Variants in ATP13A4 observed in about 807,000 individuals in gnomAD.
ATP13A4 encodes the protein ATPase 13A4.
ATP13A4 carries 114 observed loss-of-function variants against 142.5 expected under a neutral mutation model. The observed-to-expected ratio is 0.80, with a 90% CI of 0.69 to 0.93. The LOEUF (loss-of-function observed/expected upper bound fraction) is 0.93, where lower values mean the gene tolerates loss of function less well. Among genes scored for constraint, ATP13A4 ranks in the 40% least tolerant of loss-of-function variants. The probability of loss-of-function intolerance (pLI) is 0.00; values close to 1 mark genes in which losing one functional copy is unlikely to be tolerated. For synonymous variants in ATP13A4, 488 were observed against 514.8 expected (o/e 0.95, Z 0.70); for missense variants, 1,392 against 1,454.0 (o/e 0.96, Z 0.69).
intron 2 of ATP13A4, 94 bp from the exon 3 acceptor site, chr3:193,502,733 A>G: frequency 7.5e-7 from 1 of 1,329,740 alleles, no homozygotes; most frequent in Non-Finnish European, 1.1e-6. Context: ...TAATTCTGTA[A>G]GTGTTTGGCG....
intron 2 of ATP13A4, among the ~76,000 whole-genome samples, chr3:193,581,248 A>C (rs1040255326): frequency 6.6e-6 from 1 of 152,226 alleles, no homozygotes; most frequent in African/African-American, 2.4e-5. Flanking sequence ...TGTTATTCAC[A>C]ATGTAAAACC....
chr3:193,554,930 C>T (rs571951139), upstream of ATP13A4: 293 of 1,601,106 alleles, frequency 1.8e-4, 1 homozygote, highest in South Asian at 2.5e-3. Context: ...TAAAACTCCT[C>T]CTTGAGCACA....
At chr3:193,430,995 G>GA (rs1715939199) in intron 25 of ATP13A4, among the ~76,000 whole-genome samples, 1 of 152,036 alleles carries the variant, frequency 6.6e-6, no homozygotes, top group Admixed American at 6.6e-5. Flanking sequence ...AATGATGGCG[G>GA]CTACATTGAA....
At chr3:193,515,633 G>C (rs1398543382) in intron 1 of ATP13A4, among the ~76,000 whole-genome samples, 1 of 152,080 alleles carries the variant, frequency 6.6e-6, no homozygotes, top group Non-Finnish European at 1.5e-5. Flanking sequence ...GATATTATTA[G>C]ACCCCAGAGG....
chr3:193,548,610 G>A (rs1169892061), intron 1 of ATP13A4, among the ~76,000 whole-genome samples: 1 of 152,258 alleles, frequency 6.6e-6, no homozygotes, highest in East Asian at 1.9e-4. Context: ...CTGACTCAGA[G>A]GTGCTCATGG....
intron 9 of ATP13A4, among the ~76,000 whole-genome samples, chr3:193,468,530 C>A (rs1432497079): frequency 6.6e-6 from 1 of 152,152 alleles, no homozygotes; most frequent in Non-Finnish European, 1.5e-5. Flanking sequence ...AGGCAGATCG[C>A]TTGAGCCAGG....
Position 193,506,397 on chromosome 3 carries a change from T to TA in ATP13A4, c.235-3759dup, listed in dbSNP as rs575773656. ...ATTAACCGGATCAGTCCTTGAACTC[T>TA]AAAAAAATAGGTTTTACAAAAATTC... On this transcript the variant is annotated intron_variant, in intron 2 of 29. Transcript: ENST00000342695. Among the ~76,000 whole-genome samples, 130 of 152,252 alleles carry TA rather than the reference T, an allele frequency of 8.5e-4. 1 individual carries two copies. Among genetic ancestry groups the TA allele is most frequent in the African/African-American group, 2.9e-3 (119 of 41,550 alleles).
At chr3:193,446,094 T>C (rs942042145) in intron 18 of ATP13A4, among the ~76,000 whole-genome samples, 9 of 152,108 alleles carry the variant, frequency 5.9e-5, no homozygotes, top group African/African-American at 1.9e-4. Context: ...GCCCAGGAGT[T>C]CAAGGCTGAA....
chr3:193,464,967 T>C lies in ATP13A4; in HGVS notation c.1434A>G (p.Gly478=). 1 of 1,614,098 alleles carries C rather than the reference T, an allele frequency of 6.2e-7. No individual in the cohort carries two copies. The highest frequency in any genetic ancestry group is 1.7e-5 in the Admixed American group (1 of 60,020). Residue 478 remains glycine (G), a synonymous_variant, in exon 12 of 30, where the codon GGA becomes GGG. Transcript: ENST00000342695. ...TGTCAAAGCAGACAAGGTTTAACTG[T>C]CCACATACGTTGATCCTCTGGGGGC... ...CISPQRINVC[G]QLNLVCFDKT...
At chr3:193,550,567 A>G (rs1025949609) in intron 1 of ATP13A4, among the ~76,000 whole-genome samples, 3 of 152,092 alleles carry the variant, frequency 2.0e-5, no homozygotes, top group African/African-American at 7.2e-5. Flanking sequence ...CAGCCTCCCA[A>G]AGTGCCGGGA....
chr3:193,557,249 C>T (rs534476903), upstream of ATP13A4, among the ~76,000 whole-genome samples: 1 of 152,234 alleles, frequency 6.6e-6, no homozygotes, highest in South Asian at 2.1e-4. Context: ...AATTATTTTC[C>T]ACAAACCTGG....
At chr3:193,542,540 A>G (rs1364386853) in intron 1 of ATP13A4, among the ~76,000 whole-genome samples, 1 of 152,206 alleles carries the variant, frequency 6.6e-6, no homozygotes, top group Non-Finnish European at 1.5e-5. Flanking sequence ...AAGCAAAAAG[A>G]ACAAAGCTGG....
Position 193,422,095 on chromosome 3 carries a change from T to C in ATP13A4, c.2843-7345A>G, listed in dbSNP as rs564111038. Among the ~76,000 whole-genome samples the C allele has an allele frequency of 1.9e-4, 29 of 149,922 alleles. 1 individual carries two copies. The highest frequency in any genetic ancestry group is 5.6e-4 in the African/African-American group (23 of 40,948). On this transcript the variant is annotated intron_variant, in intron 25 of 29. Coordinates refer to ENST00000342695, the MANE Select transcript of ATP13A4 (RefSeq NM_032279.4). ...CACAAATAAGCTGAAAATAAAGAGA[T>C]AGAAGAAGATATTCTATGCAAATGG...
rs1560171094 is a variant in ATP13A4, at chr3:193,414,567, C to G, written c.3014+12G>C. The G allele has an allele frequency of 6.2e-7, 1 of 1,612,918 alleles. No homozygotes were observed. The highest frequency in any genetic ancestry group is 8.5e-7 in the Non-Finnish European group (1 of 1,179,132). ...AGAATGTGAGAAGCAGAAGCTGAGA[C>G]TATACTCATACCTGTGTATCTCCAC... is the stretch of plus-strand genomic sequence containing the variant. On this transcript the variant is annotated intron_variant, in intron 26 of 29. Transcript: ENST00000342695.
chr3:193,481,983 C>T (rs1413115619), intron 8 of ATP13A4, among the ~76,000 whole-genome samples: 1 of 152,088 alleles, frequency 6.6e-6, no homozygotes, highest in African/African-American at 2.4e-5. Flanking sequence ...ACCCAAAGGG[C>T]TCAATAGTGT....
chr3:193,438,426 A>G (rs781306341), intron 23 of ATP13A4, 49 bp downstream of exon 23: 5 of 1,428,846 alleles, frequency 3.5e-6, no homozygotes, highest in South Asian at 1.2e-5. Flanking sequence ...TGTGATTTGC[A>G]CCAGAAGTCA....
At position 193,561,455 on chromosome 3, in the gene ATP13A4, AG is replaced by A. The variant is rs142322044; in HGVS notation, n.291+20251del. Among the ~76,000 whole-genome samples the A allele has an allele frequency of 3.9e-3, 598 of 152,298 alleles. 3 individuals are homozygous for A. Among genetic ancestry groups the A allele is most frequent in the South Asian group, 0.017 (80 of 4,824 alleles). ...ATCAGCAAGTAAGATGCTCCACAAA[AG>A]GGAGGAGACTCTCAAGTGGATCAAT... On this transcript the variant is annotated intron_variant and non_coding_transcript_variant, in intron 2 of 3. Transcript: ENST00000489140.
At chr3:193,436,522 ACT>A (rs1368190183) in intron 23 of ATP13A4, among the ~76,000 whole-genome samples, 4 of 151,830 alleles carry the variant, frequency 2.6e-5, no homozygotes, top group African/African-American at 9.7e-5. Context: ...ATGTCAGCTC[ACT>A]GCAACCTCTG....
At chr3:193,514,351 T>C (rs976041326) in intron 2 of ATP13A4, among the ~76,000 whole-genome samples, 18 of 152,326 alleles carry the variant, frequency 1.2e-4, no homozygotes, top group African/African-American at 4.3e-4. Context: ...TTTCTGTTCC[T>C]GCGTTAGTTT....
Sources: gnomAD v4.1 joint callset for allele counts (sites outside exome capture counted in the v4.1 genomes callset) on GRCh38, gnomAD v4.1.1 for gene constraint, MANE v1.5 for transcripts, NCBI Gene and HGNC (gene_info 2026-07-23, HGNC 2026-07-21) for gene names.